The following NDUFAF2 variants were observed in gnomAD, a reference collection of about 807,000 sequenced individuals.
NDUFAF2 encodes the protein NADH:ubiquinone oxidoreductase complex assembly factor 2.
In NDUFAF2, 13 loss-of-function variants were observed where a neutral mutation model predicts 22.8. The ratio of observed to expected loss-of-function variants is 0.57; its 90% CI spans 0.37 to 0.91. The LOEUF (loss-of-function observed/expected upper bound fraction) is 0.91, where lower values mean the gene tolerates loss of function less well. Ranked by LOEUF, NDUFAF2 falls within the 40% of genes least tolerant of loss-of-function variation. The pLI, the probability that NDUFAF2 is intolerant of heterozygous loss-of-function variation, is 0.01. For synonymous variants in NDUFAF2, 53 were observed against 64.2 expected (o/e 0.83, Z 0.84); for missense variants, 162 against 195.2 (o/e 0.83, Z 1.01).
intron 3 of NDUFAF2, among the ~76,000 whole-genome samples, chr5:61,144,557 G>A (rs973055453): frequency 6.6e-6 from 1 of 152,146 alleles, no homozygotes; most frequent in African/African-American, 2.4e-5. Context: ...ACTGAGGAAT[G>A]TTCACTCCCA....
intron 3 of NDUFAF2, among the ~76,000 whole-genome samples, chr5:61,119,397 T>C (rs1299207952): frequency 6.6e-6 from 1 of 151,870 alleles, no homozygotes; most frequent in African/African-American, 2.4e-5. Context: ...GTTTTTAGTA[T>C]TTTTTTTCTA....
chr5:61,075,487 T>C (rs1345411843), intron 2 of NDUFAF2, among the ~76,000 whole-genome samples: 1 of 152,220 alleles, frequency 6.6e-6, no homozygotes, highest in East Asian at 1.9e-4. Context: ...TCTTGGATAA[T>C]GCGTGCACCT....
intron 1 of NDUFAF2, among the ~76,000 whole-genome samples, chr5:60,972,686 G>A (rs1013288035): frequency 2.0e-5 from 3 of 150,960 alleles, no homozygotes; most frequent in African/African-American, 7.3e-5. Flanking sequence ...GGTTATATTA[G>A]AGTCTTGATT....
intron 3 of NDUFAF2, among the ~76,000 whole-genome samples, chr5:61,124,737 A>G (rs1753014665): frequency 6.6e-6 from 1 of 152,138 alleles, no homozygotes; most frequent in Admixed American, 6.6e-5. Context: ...CACTGTGTTC[A>G]ATTGGATAGT....
chr5:61,030,858 A>G (rs1410662954), intron 1 of NDUFAF2, among the ~76,000 whole-genome samples: 1 of 152,140 alleles, frequency 6.6e-6, no homozygotes, highest in Non-Finnish European at 1.5e-5. Flanking sequence ...TTTACATAAT[A>G]TAATCTTTTT....
chr5:61,095,871 T>G (rs1331680342), intron 2 of NDUFAF2, among the ~76,000 whole-genome samples: 1 of 152,162 alleles, frequency 6.6e-6, no homozygotes, highest in Non-Finnish European at 1.5e-5. Flanking sequence ...GGGGTCGAGT[T>G]GTTTCCTTGA....
At position 61,147,081 on chromosome 5, in the gene NDUFAF2, G is replaced by A. The variant is rs971358176; in HGVS notation, c.259-5623G>A. Reference sequence around the variant, plus strand: ...ATTTCATCATTTCTATCATGTGTAGGTCTACTTCTGTTGACTGGTTTTTAG... The same window carrying A: ...ATTTCATCATTTCTATCATGTGTAGATCTACTTCTGTTGACTGGTTTTTAG... On this transcript the variant is annotated intron_variant, in intron 3 of 3. Coordinates refer to ENST00000296597, the MANE Select transcript of NDUFAF2 (RefSeq NM_174889.5). Among the ~76,000 whole-genome samples, 4 of 150,504 alleles carry A rather than the reference G, an allele frequency of 2.7e-5. 1 individual carries two copies. Among genetic ancestry groups the A allele is most frequent in the Admixed American group, 1.3e-4 (2 of 15,116 alleles).
chr5:61,028,540 AATAAC>A (rs1275474631), intron 1 of NDUFAF2, among the ~76,000 whole-genome samples: 1 of 152,146 alleles, frequency 6.6e-6, no homozygotes, highest in African/African-American at 2.4e-5. Flanking sequence ...TATTATTGTT[AATAAC>A]TGCATATTTT....
chr5:60,945,611 A>G (rs1429308972), intron 1 of NDUFAF2, among the ~76,000 whole-genome samples: 1 of 152,068 alleles, frequency 6.6e-6, no homozygotes, highest in East Asian at 1.9e-4. Context: ...CGCGGTCCCT[A>G]CTACCCAGCG....
rs867476105 is a variant in NDUFAF2 at position 61,045,045 on chromosome 5, A to T, written c.128-28080A>T. ...TTTATTAAATTTTAATTTAATTAAC[A>T]TTTTAATAAAGTAAAATAAAGTTTT... On this transcript the variant is annotated intron_variant, in intron 1 of 3. Transcript: ENST00000296597. Among the ~76,000 whole-genome samples, 91 of 46,156 alleles carry T rather than the reference A, an allele frequency of 2.0e-3. 2 individuals are homozygous for T. The highest frequency in any genetic ancestry group is 3.6e-3 in the Non-Finnish European group (78 of 21,462). The allele number at this position is 46,156 out of a possible 152,430, so 30.3% of individuals were successfully genotyped here.
At chr5:60,997,975 C>G (rs1751249301) in intron 1 of NDUFAF2, among the ~76,000 whole-genome samples, 1 of 152,216 alleles carries the variant, frequency 6.6e-6, no homozygotes, top group East Asian at 1.9e-4. Flanking sequence ...TCCCAGCCAA[C>G]AAGTGATACC....
At chr5:61,140,081 A>C (rs1741027627) in intron 3 of NDUFAF2, among the ~76,000 whole-genome samples, 1 of 152,244 alleles carries the variant, frequency 6.6e-6, no homozygotes, top group African/African-American at 2.4e-5. Flanking sequence ...TGTAAGCCAG[A>C]CTTGGCCCAA....
At chr5:61,072,568 C>T (rs1752313069) in intron 1 of NDUFAF2, among the ~76,000 whole-genome samples, 1 of 152,080 alleles carries the variant, frequency 6.6e-6, no homozygotes, top group Non-Finnish European at 1.5e-5. Flanking sequence ...TTTTTCTGTA[C>T]ATTAAATCTA....
intron 3 of NDUFAF2, among the ~76,000 whole-genome samples, chr5:61,127,762 C>G (rs1235823607): frequency 6.6e-6 from 1 of 152,114 alleles, no homozygotes; most frequent in East Asian, 1.9e-4. Flanking sequence ...CTCACCACTC[C>G]TATTCAACAT....
At chr5:60,947,719 T>C (rs1251292365) in intron 1 of NDUFAF2, among the ~76,000 whole-genome samples, 3 of 138,792 alleles carry the variant, frequency 2.2e-5, no homozygotes, top group Admixed American at 1.5e-4. Context: ...TGAGCCGAGA[T>C]CACACCACTG....
intron 3 of NDUFAF2, among the ~76,000 whole-genome samples, chr5:61,101,845 G>A (rs1160923920): frequency 2.0e-5 from 3 of 152,120 alleles, no homozygotes; most frequent in African/African-American, 7.2e-5. Flanking sequence ...AATAAATGGG[G>A]AGAAGTATCT....
intron 3 of NDUFAF2, among the ~76,000 whole-genome samples, chr5:61,124,421 A>G (rs1753010887): frequency 6.6e-6 from 1 of 151,948 alleles, no homozygotes; most frequent in Admixed American, 6.6e-5. Flanking sequence ...CAGATTATGG[A>G]AAGATTTCTA....
chr5:61,017,646 C>G (rs143409154), intron 1 of NDUFAF2, among the ~76,000 whole-genome samples: 1,826 of 152,252 alleles, frequency 0.012, 14 homozygotes, highest in South Asian at 0.027. Context: ...TGCCTATAGT[C>G]TCAACTCTGT....
chr5:61,086,283 A>G (rs181969435), intron 2 of NDUFAF2, among the ~76,000 whole-genome samples: 2 of 152,304 alleles, frequency 1.3e-5, no homozygotes, highest in Non-Finnish European at 2.9e-5. Flanking sequence ...CCTCCAATCA[A>G]AATACTAACA....
Sources: gnomAD v4.1 joint callset for allele counts (sites outside exome capture counted in the v4.1 genomes callset) on GRCh38, gnomAD v4.1.1 for gene constraint, MANE v1.5 for transcripts, NCBI Gene and HGNC (gene_info 2026-07-23, HGNC 2026-07-21) for gene names.